Variants in COL18A1 observed in about 807,000 individuals in gnomAD.
The protein encoded by COL18A1 is collagen type XVIII alpha 1 chain.
A neutral mutation model predicts 168.0 loss-of-function variants in COL18A1; 133 were observed. The ratio of observed to expected loss-of-function variants is 0.79; its 90% confidence interval spans 0.69 to 0.91. The LOEUF is 0.91. Ranked by LOEUF, COL18A1 falls within the 40% of genes least tolerant of loss-of-function variation. The pLI is 0.00. For missense variants in COL18A1, 2,126 were observed against 1,925.4 expected (o/e 1.10, Z -1.95); for synonymous variants, 949 against 809.0 (o/e 1.17, Z -2.94).
intron 3 of COL18A1, among the ~76,000 whole-genome samples, chr21:45,472,293 G>A (rs1286339029): frequency 8.6e-5 from 13 of 151,634 alleles, no homozygotes; most frequent in African/African-American, 1.9e-4. Context: ...GCACGATTGC[G>A]GCTCACTGCA....
At chr21:45,466,158 C>T (rs925459772) in intron 2 of COL18A1, among the ~76,000 whole-genome samples, 3 of 152,162 alleles carry the variant, frequency 2.0e-5, no homozygotes, top group Admixed American at 6.5e-5. Context: ...TGGACGTCCC[C>T]GGTCCCCTAA....
chr21:45,506,049 G>A, intron 37 of COL18A1, 83 bp downstream of exon 37: 2 of 1,602,784 alleles, frequency 1.2e-6, no homozygotes, highest in Admixed American at 1.7e-5. Context: ...AGAGGCTCAG[G>A]CCCCGGACAG....
intron 9 of COL18A1, among the ~76,000 whole-genome samples, chr21:45,479,600 A>ACCCC (rs370161182): frequency 2.2e-4 from 32 of 145,044 alleles, no homozygotes; most frequent in African/African-American, 7.8e-4. Flanking sequence ...CACCATGCAT[A>ACCCC]CCACACACAC....
At chr21:45,490,441 G>C (rs1359735098) in intron 20 of COL18A1, 95 bp downstream of exon 20, 3 of 1,093,262 alleles carry the variant, frequency 2.7e-6, no homozygotes, top group Non-Finnish European at 4.0e-6. Context: ...TGCCCTCCCG[G>C]GTCCCTGGGT....
intron 36 of COL18A1, 66 bp from the exon 37 acceptor site, chr21:45,505,772 C>T: frequency 7.9e-7 from 1 of 1,258,072 alleles, no homozygotes; most frequent in East Asian, 2.5e-5. Flanking sequence ...ACGGGCATTC[C>T]TTCCTTCCGC....
At chr21:45,453,110 A>G (rs1169617484) in intron 2 of COL18A1, among the ~76,000 whole-genome samples, 1 of 150,570 alleles carries the variant, frequency 6.6e-6, no homozygotes, top group Non-Finnish European at 1.5e-5. Flanking sequence ...TGTAAGCATT[A>G]TGTATGTGTG....
rs10570438 is a variant in COL18A1 at position 45,479,537 on chromosome 21, TCA to T, written c.1249-360_1249-359del. On this transcript the variant is annotated intron_variant, in intron 9 of 41. Transcript: ENST00000651438. ...GATTATGCACACCATACATGCACAC[TCA>T]CACATCACACATACATATCACACAT... Among the ~76,000 whole-genome samples, 1,473 of 150,752 alleles carry T rather than the reference TCA, an allele frequency of 9.8e-3. 20 individuals are homozygous for T. The highest frequency in any genetic ancestry group is 0.034 in the African/African-American group (1,385 of 40,758).
At chr21:45,482,271 G>T (rs1447599139) in intron 14 of COL18A1, 4 of 640,848 alleles carry the variant, frequency 6.2e-6, no homozygotes, top group African/African-American at 1.8e-5. Flanking sequence ...CACCCTGCGA[G>T]ATCTGAGATC....
chr21:45,448,980 G>C (rs2034562986), intron 2 of COL18A1, among the ~76,000 whole-genome samples: 1 of 152,252 alleles, frequency 6.6e-6, no homozygotes, highest in Non-Finnish European at 1.5e-5. Context: ...TGCAGGCTTT[G>C]TGGAGAGCCA....
chr21:45,409,076 C>T (rs1321815198), intron 2 of COL18A1, among the ~76,000 whole-genome samples: 2 of 63,996 alleles, frequency 3.1e-5, no homozygotes, highest in Non-Finnish European at 6.1e-5. Flanking sequence ...TGGCCCTCAC[C>T]CCACCCCCGG....
intron 2 of COL18A1, chr21:45,424,753 ACCCT>A (rs2033734445): frequency 6.6e-6 from 1 of 151,728 alleles, no homozygotes; most frequent in Non-Finnish European, 1.5e-5. Flanking sequence ...GCCCCCACTG[ACCCT>A]CCCTCAGTCC....
intron 40 of COL18A1, among the ~76,000 whole-genome samples, 173 bp from the exon 41 acceptor site, chr21:45,510,932 CAAAAAA>C (rs10718078): frequency 7.0e-6 from 1 of 141,976 alleles, no homozygotes; most frequent in Non-Finnish European, 1.5e-5. Context: ...CCCCACCCCC[CAAAAAA>C]ACACACACCC....
At chr21:45,511,915 C>T (rs924348514) in intron 41 of COL18A1, among the ~76,000 whole-genome samples, 1 of 152,224 alleles carries the variant, frequency 6.6e-6, no homozygotes, top group African/African-American at 2.4e-5. Context: ...GGCATGAGGG[C>T]CAGGTTCACC....
chr21:45,412,351 C>CT (rs2123508537), intron 2 of COL18A1, among the ~76,000 whole-genome samples: 1 of 151,826 alleles, frequency 6.6e-6, no homozygotes, highest in Non-Finnish European at 1.5e-5. Flanking sequence ...ATTCTCCTGC[C>CT]TCAGCCTCCT....
chr21:45,504,536 C>A lies in COL18A1; in HGVS notation c.2848C>A (p.Arg950Ser). ...CGGCCCCCCAGGCCCCCCAGGCCCACGTGGCTACCCTGGGATTCCAGTAAG... is the reference window on the plus strand; with the variant it reads ...CGGCCCCCCAGGCCCCCCAGGCCCAAGTGGCTACCCTGGGATTCCAGTAAG... ...PPGPPGPPGP[R>S]GYPGIPGPKG... is the part of the protein sequence containing the mutation. Residue 950 changes from arginine to serine, a missense_variant, in exon 34 of 42, where the codon CGT (arginine) becomes AGT (serine). Transcript: ENST00000651438. The A allele has an allele frequency of 2.5e-6, 4 of 1,577,920 alleles. No homozygotes were observed. Among genetic ancestry groups the A allele is most frequent in the Non-Finnish European group, 3.4e-6 (4 of 1,163,084 alleles).
intron 9 of COL18A1, 43 bp downstream of exon 9, chr21:45,478,396 T>G (rs755894075): frequency 6.2e-7 from 1 of 1,614,046 alleles, no homozygotes; most frequent in Non-Finnish European, 8.5e-7. Context: ...ATCTGTGATG[T>G]TTGCTTAGAC....
rs1569287245 is a variant in COL18A1, at chr21:45,437,150, ACACTCAGACACAGGCACTCTCCTG to A, written c.107-31088_107-31065del. Among the ~76,000 whole-genome samples the A allele has an allele frequency of 1.2e-4, 13 of 104,418 alleles. 1 individual carries two copies. Among genetic ancestry groups the A allele is most frequent in the East Asian group, 6.3e-4 (2 of 3,190 alleles). 68.5% of individuals were successfully genotyped at this position (104,418 alleles called of 152,430 possible). ...ACACAGGCACTCTCCACACACACTC[ACACTCAGACACAGGCACTCTCCTG>A]CACACACACTCACACAGACACACAG... On this transcript the variant is annotated intron_variant, in intron 2 of 41. Coordinates refer to ENST00000651438, the MANE Select transcript of COL18A1 (RefSeq NM_001379500.1).
chr21:45,437,290 A>G (rs1170872470), intron 2 of COL18A1, among the ~76,000 whole-genome samples: 1 of 126,300 alleles, frequency 7.9e-6, no homozygotes. Flanking sequence ...ACTCTCCTGC[A>G]CACACACACA....
chr21:45,456,255 C>T (rs757523045), intron 2 of COL18A1: 10 of 1,565,728 alleles, frequency 6.4e-6, no homozygotes, highest in South Asian at 1.2e-5. Flanking sequence ...CAAGGACTCT[C>T]GCCCGCCGCA....
Sources: allele counts gnomAD v4.1 joint callset (sites outside exome capture counted in the v4.1 genomes callset), GRCh38; gene constraint gnomAD v4.1.1; transcripts MANE v1.5; gene names NCBI Gene and HGNC (gene_info 2026-07-23, HGNC 2026-07-21).